Variants in CREB5 observed in about 807,000 individuals in gnomAD.
CREB5 encodes the protein cyclic AMP-responsive element-binding protein 5.
CREB5 carries 19 observed loss-of-function variants against 57.1 expected under a neutral mutation model. That is an observed-to-expected ratio of 0.33 (90% CI 0.23 to 0.49). The LOEUF (loss-of-function observed/expected upper bound fraction) is 0.49, where lower values mean the gene tolerates loss of function less well. CREB5 is among the 20% of genes least tolerant of loss of function. The pLI, the probability that CREB5 is intolerant of heterozygous loss-of-function variation, is 0.99. For synonymous variants in CREB5, 238 were observed against 238.3 expected (o/e 1.00, Z 0.01); for missense variants, 579 against 671.6 (o/e 0.86, Z 1.52).
chr7:28,509,871 G>A (rs1049815156), intron 4 of CREB5, among the ~76,000 whole-genome samples: 3 of 152,138 alleles, frequency 2.0e-5, no homozygotes, highest in African/African-American at 4.8e-5. Flanking sequence ...GGACACCGCC[G>A]TCTCATGCCT....
At chr7:28,469,514 T>C (rs1790724220) in intron 1 of CREB5, among the ~76,000 whole-genome samples, 2 of 152,236 alleles carry the variant, frequency 1.3e-5, no homozygotes, top group Non-Finnish European at 2.9e-5. Flanking sequence ...AAACATAAGT[T>C]CATACATGAA....
At chr7:28,415,154 C>T (rs1301191615) in intron 1 of CREB5, among the ~76,000 whole-genome samples, 2 of 152,154 alleles carry the variant, frequency 1.3e-5, no homozygotes, top group African/African-American at 4.8e-5. Context: ...AACTACCAGG[C>T]TGGCGTTTGA....
At chr7:28,696,218 T>C (rs1028884192) in intron 5 of CREB5, among the ~76,000 whole-genome samples, 3 of 151,680 alleles carry the variant, frequency 2.0e-5, no homozygotes, top group Admixed American at 6.6e-5. Context: ...CTTGAAAGGA[T>C]GTTTCTAACT....
chr7:28,645,447 G>C (rs1798855165), intron 5 of CREB5, among the ~76,000 whole-genome samples: 1 of 152,192 alleles, frequency 6.6e-6, no homozygotes, highest in Admixed American at 6.5e-5. Flanking sequence ...ATAGGATACT[G>C]TGCCCAATAG....
At chr7:28,538,057 T>C (rs1299360180) in intron 4 of CREB5, among the ~76,000 whole-genome samples, 1 of 151,762 alleles carries the variant, frequency 6.6e-6, no homozygotes, top group Non-Finnish European at 1.5e-5. Flanking sequence ...TTTTGTTTTG[T>C]TTTTATTTTT....
intron 5 of CREB5, among the ~76,000 whole-genome samples, chr7:28,590,714 C>A (rs1796478296): frequency 6.8e-6 from 1 of 147,792 alleles, no homozygotes; most frequent in African/African-American, 2.5e-5. Context: ...TAATAAAAAC[C>A]CAAACTGAAA....
intron 8 of CREB5, among the ~76,000 whole-genome samples, chr7:28,808,810 C>T (rs546304805): frequency 4.0e-5 from 6 of 150,564 alleles, no homozygotes; most frequent in African/African-American, 1.2e-4. Flanking sequence ...ATCCTCCCGC[C>T]ACACCTGGCC....
intron 7 of CREB5, among the ~76,000 whole-genome samples, chr7:28,745,611 G>A (rs1422331073): frequency 2.0e-5 from 3 of 152,230 alleles, no homozygotes; most frequent in Non-Finnish European, 2.9e-5. Context: ...GCCAGTGGCT[G>A]TGGCTGTGAA....
chr7:28,411,298 C>G (rs1787788212), upstream of CREB5, among the ~76,000 whole-genome samples: 1 of 152,172 alleles, frequency 6.6e-6, no homozygotes, highest in African/African-American at 2.4e-5. Context: ...CTGACAAAAT[C>G]AGGTTTAGCT....
At chr7:28,307,137 A>G (rs1370996102) in intron 1 of CREB5, among the ~76,000 whole-genome samples, 2 of 152,152 alleles carry the variant, frequency 1.3e-5, no homozygotes, top group African/African-American at 4.8e-5. Context: ...CCCCTCCTCT[A>G]ATGTCCCTTG....
rs1333603738 is a variant in CREB5 at position 28,822,244 on chromosome 7, A to G, written c.*2965A>G. 6.6e-6 allele frequency: 1 copy of G among 152,234 alleles called. No homozygotes were observed. The highest frequency in any genetic ancestry group is 1.5e-5 in the Non-Finnish European group (1 of 68,046). The allele number at this position is 152,234 out of a possible 1,614,324, so 9.4% of individuals were successfully genotyped here. ...GAAATACAGTAAATGAAAGATTCCAACTAGTTGTCAGTGCTTCTTGAAATT... is the reference window on the plus strand; with the variant it reads ...GAAATACAGTAAATGAAAGATTCCAGCTAGTTGTCAGTGCTTCTTGAAATT... On this transcript the variant is annotated 3_prime_UTR_variant, in exon 11 of 11. Coordinates refer to ENST00000357727, the MANE Select transcript of CREB5 (RefSeq NM_182898.4).
intron 1 of CREB5, among the ~76,000 whole-genome samples, chr7:28,355,856 C>T (rs895391399): frequency 1.3e-5 from 2 of 152,190 alleles, no homozygotes; most frequent in Non-Finnish European, 2.9e-5. Flanking sequence ...AGCGTAACAC[C>T]TGATATGGCT....
Position 28,823,356 on chromosome 7 carries a change from G to C in CREB5, c.*4077G>C, listed in dbSNP as rs1809889233. 6.6e-6 allele frequency: 1 copy of C among 152,582 alleles called. No homozygotes were observed. The highest frequency in any genetic ancestry group is 2.4e-5 in the African/African-American group (1 of 41,424). 9.5% of individuals were successfully genotyped at this position (152,582 alleles called of 1,614,324 possible). On this transcript the variant is annotated 3_prime_UTR_variant, in exon 11 of 11. Transcript: ENST00000357727. ...TTTTATAAGATATTTATTAATAAAT[G>C]TTATTTTTAAACATTCCATTTGAAC...
chr7:28,695,494 A>G (rs1413147134), intron 5 of CREB5, among the ~76,000 whole-genome samples: 1 of 152,188 alleles, frequency 6.6e-6, no homozygotes, highest in African/African-American at 2.4e-5. Flanking sequence ...TCATTCAGGC[A>G]GCTGTGCAGA....
At chr7:28,404,676 C>A (rs1268344635) in intron 1 of CREB5, among the ~76,000 whole-genome samples, 1 of 152,170 alleles carries the variant, frequency 6.6e-6, no homozygotes, top group African/African-American at 2.4e-5. Context: ...AGATGAGGCC[C>A]TGTGTGACCA....
intron 1 of CREB5, among the ~76,000 whole-genome samples, chr7:28,365,601 T>C (rs1786570698): frequency 1.3e-5 from 2 of 152,200 alleles, no homozygotes; most frequent in African/African-American, 2.4e-5. Context: ...AAGTTGTTCT[T>C]ACTTGCAGTC....
At chr7:28,522,168 C>T (rs1793232276) in intron 4 of CREB5, among the ~76,000 whole-genome samples, 1 of 152,140 alleles carries the variant, frequency 6.6e-6, no homozygotes, top group Non-Finnish European at 1.5e-5. Context: ...AGTCATGAAG[C>T]TAGTAAGTTG....
intron 5 of CREB5, among the ~76,000 whole-genome samples, chr7:28,658,843 CA>C (rs1265584655): frequency 6.6e-6 from 1 of 151,160 alleles, no homozygotes; most frequent in African/African-American, 2.4e-5. Context: ...GGGGAAAAAA[CA>C]GCATAGACAT....
intron 5 of CREB5, among the ~76,000 whole-genome samples, chr7:28,701,126 G>A (rs1801838834): frequency 6.6e-6 from 1 of 152,120 alleles, no homozygotes; most frequent in Non-Finnish European, 1.5e-5. Flanking sequence ...AGGTCCATTA[G>A]GGATGCAAAT....
Sources: allele counts gnomAD v4.1 joint callset (sites outside exome capture counted in the v4.1 genomes callset), GRCh38; gene constraint gnomAD v4.1.1; transcripts MANE v1.5; gene names NCBI Gene and HGNC (gene_info 2026-07-23, HGNC 2026-07-21).